PLCG2: variants seen among roughly 807,000 people sequenced by gnomAD.
PLCG2 encodes the protein 1-phosphatidylinositol 4,5-bisphosphate phosphodiesterase gamma-2.
Under a neutral mutation model 175.6 loss-of-function variants are expected in PLCG2, and 69 were observed. The observed-to-expected ratio is 0.39, with a 90% CI of 0.32 to 0.48. PLCG2 has a LOEUF of 0.48. Among genes scored for constraint, PLCG2 ranks in the 20% least tolerant of loss-of-function variants. The pLI is 0.91. For synonymous variants in PLCG2, 827 were observed against 624.0 expected (o/e 1.33, Z -4.85); for missense variants, 1,798 against 1,650.9 (o/e 1.09, Z -1.54).
chr16:81,742,342 A>C (rs890196427), intron 1 of PLCG2, among the ~76,000 whole-genome samples: 1 of 152,128 alleles, frequency 6.6e-6, no homozygotes, highest in Non-Finnish European at 1.5e-5. Flanking sequence ...GGATGAGACC[A>C]ATGAGGGCTC....
At chr16:81,778,054 A>ACC (rs1910516007), upstream of PLCG2, among the ~76,000 whole-genome samples, 1 of 90,370 alleles carries the variant, frequency 1.1e-5, no homozygotes, top group African/African-American at 5.8e-5. Flanking sequence ...AAAAAAAAAA[A>ACC]CAAAAAAAAC....
At chr16:81,799,829 G>A (rs555648688) in intron 2 of PLCG2, among the ~76,000 whole-genome samples, 2 of 152,002 alleles carry the variant, frequency 1.3e-5, no homozygotes, top group Non-Finnish European at 2.9e-5. Flanking sequence ...TCCTGACCTC[G>A]TGATCCTCCC....
At chr16:81,858,153 A>G in intron 3 of PLCG2, 110 bp from the exon 4 acceptor site, 1 of 791,486 alleles carries the variant, frequency 1.3e-6, no homozygotes, top group Admixed American at 1.9e-5. Flanking sequence ...GCAAAACTAG[A>G]AACCAGCATA....
At chr16:81,833,562 C>G (rs1290336789) in intron 2 of PLCG2, among the ~76,000 whole-genome samples, 1 of 147,094 alleles carries the variant, frequency 6.8e-6, no homozygotes, top group Non-Finnish European at 1.5e-5. Flanking sequence ...CAGGATTTCA[C>G]TCTGTCACCC....
chr16:81,843,782 A>G (rs1490386342), intron 2 of PLCG2, among the ~76,000 whole-genome samples: 1 of 152,252 alleles, frequency 6.6e-6, no homozygotes, highest in Non-Finnish European at 1.5e-5. Flanking sequence ...CCTGGTTGGT[A>G]GTTTGCTTGT....
intron 2 of PLCG2, among the ~76,000 whole-genome samples, chr16:81,816,328 G>A (rs1015155915): frequency 6.6e-6 from 1 of 152,156 alleles, no homozygotes; most frequent in African/African-American, 2.4e-5. Flanking sequence ...TCCAAATCGT[G>A]CCACTACACT....
intron 31 of PLCG2, among the ~76,000 whole-genome samples, chr16:81,954,427 G>A (rs1356917695): frequency 2.0e-5 from 3 of 152,142 alleles, no homozygotes; most frequent in Non-Finnish European, 4.4e-5. Context: ...TGTTACATAG[G>A]TATACGTGTG....
rs530156886 is a variant in PLCG2 at position 81,937,740 on chromosome 16, G to C, written c.3053-18G>C. The C allele has an allele frequency of 1.2e-6, 2 of 1,610,632 alleles. No individual in the cohort carries two copies. Among genetic ancestry groups the C allele is most frequent in the Non-Finnish European group, 1.7e-6 (2 of 1,177,828 alleles). On this transcript the variant is annotated intron_variant, in intron 27 of 32. Coordinates refer to ENST00000564138, the MANE Select transcript of PLCG2 (RefSeq NM_002661.5). ...TGCTCATGCCTGACTTACAGCAGGC[G>C]TTCACTTTCCTTCCCAGATAAGTAC...
intron 2 of PLCG2, among the ~76,000 whole-genome samples, chr16:81,835,465 AC>A (rs1449940903): frequency 6.6e-6 from 1 of 152,002 alleles, no homozygotes; most frequent in East Asian, 1.9e-4. Flanking sequence ...GTGTGGTGAC[AC>A]TACTTGGGAG....
At chr16:81,812,390 A>G (rs1288934810) in intron 2 of PLCG2, among the ~76,000 whole-genome samples, 1 of 152,154 alleles carries the variant, frequency 6.6e-6, no homozygotes, top group African/African-American at 2.4e-5. Context: ...TCTAACTGGC[A>G]TGAGATGGTA....
At chr16:81,895,732 G>A (rs1908853857) in intron 12 of PLCG2, 75 bp from the exon 13 acceptor site, 2 of 1,561,754 alleles carry the variant, frequency 1.3e-6, no homozygotes, top group African/African-American at 2.7e-5. Context: ...CTGAACTGGT[G>A]TGTGGGCCGG....
intron 29 of PLCG2, among the ~76,000 whole-genome samples, 190 bp from the exon 30 acceptor site, chr16:81,939,702 C>G (rs183297768): frequency 6.6e-6 from 1 of 152,244 alleles, no homozygotes; most frequent in African/African-American, 2.4e-5. Context: ...CCTGCAACAG[C>G]AGCTTCCAGG....
intron 2 of PLCG2, among the ~76,000 whole-genome samples, chr16:81,824,748 T>C (rs79412961): frequency 0.016 from 2,403 of 152,282 alleles, 73 homozygotes; most frequent in African/African-American, 0.055. Context: ...TCACCTTTCA[T>C]TGGATGGTGA....
At chr16:81,752,865 A>C (rs1021913002) in intron 1 of PLCG2, among the ~76,000 whole-genome samples, 1 of 152,188 alleles carries the variant, frequency 6.6e-6, no homozygotes, top group Admixed American at 6.5e-5. Flanking sequence ...ACAGCTATGA[A>C]AGACGTGGCT....
At chr16:81,835,947 G>C (rs1905492857) in intron 2 of PLCG2, among the ~76,000 whole-genome samples, 1 of 152,022 alleles carries the variant, frequency 6.6e-6, no homozygotes, top group Non-Finnish European at 1.5e-5. Flanking sequence ...CTTGGGTTAG[G>C]ACCCACCCTA....
chr16:81,908,763 T>G (rs940130323), intron 17 of PLCG2, among the ~76,000 whole-genome samples, 172 bp downstream of exon 17: 26 of 152,188 alleles, frequency 1.7e-4, no homozygotes, highest in Admixed American at 1.3e-4. Flanking sequence ...TATGACTCAC[T>G]TCGGCACTGT....
chr16:81,871,233 C>T (rs1907498604), intron 7 of PLCG2, among the ~76,000 whole-genome samples: 1 of 152,228 alleles, frequency 6.6e-6, no homozygotes, highest in Admixed American at 6.5e-5. Flanking sequence ...AAGTGCAACT[C>T]ACTCTACTGC....
At chr16:81,785,883 C>G (rs917270590) in intron 1 of PLCG2, 60 bp from the exon 2 acceptor site, 2 of 1,053,200 alleles carry the variant, frequency 1.9e-6, no homozygotes, top group African/African-American at 1.6e-5. Flanking sequence ...AGTTCATGCC[C>G]TGTTAACTAA....
At chr16:81,924,028 A>G (rs1910163466) in intron 22 of PLCG2, among the ~76,000 whole-genome samples, 1 of 152,224 alleles carries the variant, frequency 6.6e-6, no homozygotes, top group Admixed American at 6.5e-5. Context: ...TCCAATACAC[A>G]AGACTGTGTG....
Sources: allele counts gnomAD v4.1 joint callset (sites outside exome capture counted in the v4.1 genomes callset), GRCh38; gene constraint gnomAD v4.1.1; transcripts MANE v1.5; gene names NCBI Gene and HGNC (gene_info 2026-07-23, HGNC 2026-07-21).